PCDH17: variants seen among roughly 807,000 people sequenced by gnomAD.
The protein encoded by PCDH17 is protocadherin 17.
In PCDH17, 21 loss-of-function variants were observed where a neutral mutation model predicts 67.7. That is an observed-to-expected ratio of 0.31 (90% CI 0.22 to 0.45). PCDH17 has a LOEUF of 0.45. Ranked by LOEUF, PCDH17 falls within the 20% of genes least tolerant of loss-of-function variation. The pLI is 1.00. For synonymous variants in PCDH17, 701 were observed against 656.7 expected (o/e 1.07, Z -1.03); for missense variants, 1,471 against 1,564.8 (o/e 0.94, Z 1.01).
upstream of PCDH17, among the ~76,000 whole-genome samples, chr13:57,631,393 C>T (rs1248717957): frequency 1.3e-5 from 2 of 152,112 alleles, no homozygotes; most frequent in East Asian, 1.9e-4. Context: ...TTCGGCCTCC[C>T]CCCTCCTCCT....
chr13:57,663,654 A>G (rs1226143773), intron 1 of PCDH17, among the ~76,000 whole-genome samples: 2 of 152,204 alleles, frequency 1.3e-5, no homozygotes, highest in African/African-American at 4.8e-5. Flanking sequence ...ATACACACAC[A>G]CAATCTCTCA....
Position 57,650,962 on chromosome 13 carries a change from G to A in PCDH17, c.2566-15506G>A, listed in dbSNP as rs546411098. ...CAACATTTTTCACTGCAGAGATATCGATATGTTTAATATTGAGGTGTTCCG... is the reference window on the plus strand; with the variant it reads ...CAACATTTTTCACTGCAGAGATATCAATATGTTTAATATTGAGGTGTTCCG... On this transcript the variant is annotated intron_variant, in intron 1 of 3. Coordinates refer to ENST00000377918, the MANE Select transcript of PCDH17 (RefSeq NM_001040429.3). Among the ~76,000 whole-genome samples the A allele has an allele frequency of 1.1e-3, 171 of 152,098 alleles. 1 individual carries two copies. Among genetic ancestry groups the A allele is most frequent in the Non-Finnish European group, 2.1e-3 (140 of 67,998 alleles).
chr13:57,698,816 T>G (rs923602663), intron 3 of PCDH17, among the ~76,000 whole-genome samples: 3 of 151,950 alleles, frequency 2.0e-5, no homozygotes, highest in Admixed American at 6.6e-5. Context: ...ACCTTAACAT[T>G]AGGTAGCATA....
At position 57,724,614 on chromosome 13, in the gene PCDH17, C is replaced by G; in HGVS notation, c.2800C>G (p.Pro934Ala). The G allele has an allele frequency of 1.2e-6, 2 of 1,607,096 alleles. No individual in the cohort carries two copies. Among genetic ancestry groups the G allele is most frequent in the Middle Eastern group, 1.7e-4 (1 of 6,036 alleles). The change falls in exon 4 of 4, where the codon CCA becomes GCA. Residue 934 changes from proline to alanine, a missense_variant and splice_region_variant. Physicochemically the swap from Pro to Ala is conservative, Grantham distance 27. Around this residue, in one of 3 missense-constraint regions of PCDH17, gnomAD observed 297 missense variants for 298.6 expected, o/e 0.99. Transcript: ENST00000377918. ...CTGTTTTCTCTTTTGTTTTGCAGAA[C>G]CAGAAGAGTGTGTTAATTGCACAGA... ...STKSQPLEQE[P>A]EECVNCTDEC...
At position 57,632,762 on chromosome 13, in the gene PCDH17, G is replaced by C; in HGVS notation, c.216G>C (p.Pro72=). 1 of 1,612,512 alleles carries C rather than the reference G, an allele frequency of 6.2e-7. No homozygotes were observed. Residue 72 remains proline, a synonymous_variant, in exon 1 of 4, where the codon CCG becomes CCC. Coordinates refer to ENST00000377918, the MANE Select transcript of PCDH17 (RefSeq NM_001040429.3). The stretch of plus-strand genomic sequence containing the variant: ...ACCGGGTGCTGGAGAACTCCGCACC[G>C]CACCTGCTGGACGTGGACGCAGACA... ...GSYRVLENSA[P]HLLDVDADSG...
rs774478566 is a variant in PCDH17 at position 57,634,231 on chromosome 13, A to C, written c.1685A>C (p.His562Pro). ...GCTAAGGACTCGGGGGCGCCCGCGCACTTGGAGAGCAACGCCACGGTGAGG... is the reference window on the plus strand; with the variant it reads ...GCTAAGGACTCGGGGGCGCCCGCGCCCTTGGAGAGCAACGCCACGGTGAGG... ...VLAKDSGAPA[H>P]LESNATVRVT... Residue 562 changes from histidine (H) to proline (P), a missense_variant, in exon 1 of 4, where the codon CAC becomes CCC. His to Pro is a moderately conservative substitution (Grantham distance 77). Transcript: ENST00000377918. This position sits in a 1 kb window ranked among gnomAD's most constrained non-coding sequence, Gnocchi z 7.8. 2.0e-5 allele frequency: 33 copies of C among 1,612,960 alleles called. No individual in the cohort carries two copies. Among genetic ancestry groups the C allele is most frequent in the Non-Finnish European group, 8.5e-7 (1 of 1,179,986 alleles).
intron 3 of PCDH17, among the ~76,000 whole-genome samples, chr13:57,684,199 A>T (rs941835728): frequency 2.0e-5 from 3 of 151,862 alleles, no homozygotes; most frequent in Admixed American, 6.6e-5. Flanking sequence ...ATTTTTAAAA[A>T]CTAAGCTACA....
In PCDH17 at chr13:57,634,408, G is replaced by A. The variant is rs1452925137; in HGVS notation, c.1862G>A (p.Gly621Glu). The stretch of plus-strand genomic sequence containing the variant: ...CTAGACAGCGACTTCGGCGAGAGCG[G>A]GCGTCTCACCTACGAGATCGTGGAC... ...RALDSDFGESGRLTYEIVDGN... is the reference protein window; with the variant it reads ...RALDSDFGESERLTYEIVDGN... Residue 621 changes from glycine (G) to glutamate (E), a missense_variant, in exon 1 of 4, where the codon GGG (glycine) becomes GAG (glutamate). By Grantham distance (98) the Gly-to-Glu change is moderately conservative. Transcript: ENST00000377918. The surrounding 1 kb of genome is among the most constrained non-coding windows in gnomAD (Gnocchi z 7.8). 1.2e-6 allele frequency: 2 copies of A among 1,612,642 alleles called. No individual in the cohort carries two copies. Among genetic ancestry groups the A allele is most frequent in the Non-Finnish European group, 1.7e-6 (2 of 1,179,928 alleles).
chr13:57,683,056 C>T (rs1259769054), intron 3 of PCDH17, among the ~76,000 whole-genome samples: 5 of 151,752 alleles, frequency 3.3e-5, no homozygotes, highest in Admixed American at 1.3e-4. Flanking sequence ...AGAGCTTTTG[C>T]GTGACTAAGC....
At chr13:57,666,891 T>G in intron 3 of PCDH17, 58 bp downstream of exon 3, 1 of 1,350,870 alleles carries the variant, frequency 7.4e-7, no homozygotes, top group Non-Finnish European at 1.0e-6. Context: ...ATTATAAACC[T>G]ATTAGATCTA....
intron 1 of PCDH17, among the ~76,000 whole-genome samples, chr13:57,636,387 T>C (rs1046100561): frequency 2.0e-5 from 3 of 152,192 alleles, no homozygotes; most frequent in Non-Finnish European, 4.4e-5. Context: ...GACTCAATAA[T>C]GTTTTTATTG....
chr13:57,697,090 A>C (rs1282683551), intron 3 of PCDH17, among the ~76,000 whole-genome samples: 1 of 151,576 alleles, frequency 6.6e-6, no homozygotes, highest in Non-Finnish European at 1.5e-5. Flanking sequence ...TTATGGAGGC[A>C]ATCTTCTATC....
At chr13:57,663,682 C>G (rs1219119290) in intron 1 of PCDH17, among the ~76,000 whole-genome samples, 1 of 152,134 alleles carries the variant, frequency 6.6e-6, no homozygotes, top group Non-Finnish European at 1.5e-5. Flanking sequence ...CTACTTTAAT[C>G]AATGAGTTCA....
intron 3 of PCDH17, among the ~76,000 whole-genome samples, chr13:57,696,361 G>A (rs1232581147): frequency 6.6e-6 from 1 of 151,220 alleles, no homozygotes; most frequent in Non-Finnish European, 1.5e-5. Context: ...TTCAAAAAAA[G>A]TGGGTTTTAA....
intron 3 of PCDH17, among the ~76,000 whole-genome samples, chr13:57,691,526 A>T (rs551862307): frequency 6.6e-6 from 1 of 151,262 alleles, no homozygotes. Context: ...GTATTATTCT[A>T]TTTGCCTCTT....
At chr13:57,658,886 T>TC (rs922212833) in intron 1 of PCDH17, among the ~76,000 whole-genome samples, 25 of 152,214 alleles carry the variant, frequency 1.6e-4, no homozygotes, top group Admixed American at 1.0e-3. Context: ...TGCAAGCGAT[T>TC]CCCCTGCCTC....
chr13:57,660,006 G>A (rs754536505), intron 1 of PCDH17, among the ~76,000 whole-genome samples: 48 of 152,126 alleles, frequency 3.2e-4, no homozygotes, highest in Non-Finnish European at 5.3e-4. Context: ...GCCGAGTCGG[G>A]TGGATCCTTT....
intron 3 of PCDH17, among the ~76,000 whole-genome samples, chr13:57,669,017 T>G (rs780427030): frequency 1.3e-5 from 2 of 151,182 alleles, no homozygotes; most frequent in Non-Finnish European, 1.5e-5. Context: ...ACAGGCCCCG[T>G]GTGTGATGTT....
At chr13:57,645,883 A>G (rs1376231523) in intron 1 of PCDH17, among the ~76,000 whole-genome samples, 2 of 151,400 alleles carry the variant, frequency 1.3e-5, no homozygotes. Flanking sequence ...AACCTCAGTC[A>G]GTTATTAAGA....
Sources: allele counts gnomAD v4.1 joint callset (sites outside exome capture counted in the v4.1 genomes callset), GRCh38; gene constraint gnomAD v4.1.1; regional missense constraint gnomAD v4.1.1; non-coding constraint Gnocchi (gnomAD v3.1); transcripts MANE v1.5; gene names NCBI Gene and HGNC (gene_info 2026-07-23, HGNC 2026-07-21).